The following TENM4 variants were observed in gnomAD, a reference collection of about 807,000 sequenced individuals.
The protein encoded by TENM4 is teneurin-4.
A neutral mutation model predicts 243.3 loss-of-function variants in TENM4; 82 were observed. The ratio of observed to expected loss-of-function variants is 0.34; its 90% CI spans 0.28 to 0.40. TENM4 has a LOEUF of 0.40. Among genes scored for constraint, TENM4 ranks in the 10% least tolerant of loss-of-function variants. The pLI is 1.00. For synonymous variants in TENM4, 1,412 were observed against 1,456.3 expected (o/e 0.97, Z 0.69); for missense variants, 3,138 against 3,673.3 (o/e 0.85, Z 3.77).
At chr11:79,081,129 C>T in intron 4 of TENM4, among the ~76,000 whole-genome samples, 1 of 152,180 alleles carries the variant, frequency 6.6e-6, no homozygotes, top group East Asian at 1.9e-4. Flanking sequence ...GCCTCCTCAG[C>T]CTGAAGGAAG....
At chr11:79,244,853 C>A (rs1211311203) in intron 2 of TENM4, among the ~76,000 whole-genome samples, 1 of 152,114 alleles carries the variant, frequency 6.6e-6, no homozygotes, top group Non-Finnish European at 1.5e-5. Flanking sequence ...TCTTAAACAA[C>A]CAGAGACCTT....
intron 4 of TENM4, among the ~76,000 whole-genome samples, chr11:79,146,030 C>T (rs958737598): frequency 1.8e-4 from 27 of 151,880 alleles, no homozygotes; most frequent in Admixed American, 5.9e-4. Flanking sequence ...GGATATGAGA[C>T]CTTTGTTGAG....
chr11:79,065,622 A>G (rs1860224511), intron 5 of TENM4, among the ~76,000 whole-genome samples: 2 of 152,198 alleles, frequency 1.3e-5, no homozygotes, highest in African/African-American at 2.4e-5. Flanking sequence ...AGAAAGCCTG[A>G]AGCTTGAGAG....
At chr11:78,778,650 C>T (rs1856785065) in intron 16 of TENM4, 22 bp from the exon 17 acceptor site, 13 of 1,610,460 alleles carry the variant, frequency 8.1e-6, no homozygotes, top group South Asian at 2.2e-5. Flanking sequence ...AAAGACAGGA[C>T]ATTTAAGGTA....
chr11:79,169,041 C>T (rs896058768), intron 3 of TENM4, among the ~76,000 whole-genome samples: 3 of 152,212 alleles, frequency 2.0e-5, no homozygotes, highest in African/African-American at 7.2e-5. Flanking sequence ...TCCCCTTTCA[C>T]CCAGGACCTT....
chr11:79,349,153 C>T (rs1857375348), intron 1 of TENM4, among the ~76,000 whole-genome samples: 2 of 152,156 alleles, frequency 1.3e-5, no homozygotes, highest in Admixed American at 1.3e-4. Context: ...TCACATGTCT[C>T]ATCCCTGACA....
intron 6 of TENM4, among the ~76,000 whole-genome samples, chr11:78,980,523 G>A (rs1857768435): frequency 6.6e-6 from 1 of 152,208 alleles, no homozygotes; most frequent in Non-Finnish European, 1.5e-5. Context: ...CCTGGAAGGT[G>A]ACAGAATGAG....
chr11:78,812,608 C>T (rs192535896), intron 13 of TENM4, among the ~76,000 whole-genome samples: 147 of 152,312 alleles, frequency 9.7e-4, no homozygotes, highest in African/African-American at 3.5e-3. Flanking sequence ...GAACCTCAGA[C>T]AGGAAGCTTC....
chr11:79,038,194 G>A (rs1859435323), intron 6 of TENM4, among the ~76,000 whole-genome samples: 2 of 152,192 alleles, frequency 1.3e-5, no homozygotes. Context: ...TTGCCTGGGT[G>A]AATGAATGGA....
rs1855984740 is a variant in TENM4 at position 78,903,474 on chromosome 11, C to T, written c.543G>A (p.Pro181=). Residue 181 remains proline, a synonymous_variant, in exon 7 of 34, where the codon CCG becomes CCA. Transcript: ENST00000278550. ...QNHARLRTPP[P]PLSHAHTPNQ... Reference sequence around the variant, plus strand: ...TGGGGGTGTGGGCGTGCGAGAGCGGCGGCGGCGGCGTCCGGAGCCGCGCGT... The same window carrying T: ...TGGGGGTGTGGGCGTGCGAGAGCGGTGGCGGCGGCGTCCGGAGCCGCGCGT... 3 of 1,547,960 alleles carry T rather than the reference C, an allele frequency of 1.9e-6. No individual in the cohort carries two copies. Among genetic ancestry groups the T allele is most frequent in the East Asian group, 4.9e-5 (2 of 40,848 alleles).
At chr11:78,733,355 G>C (rs993456763) in intron 20 of TENM4, among the ~76,000 whole-genome samples, 6 of 152,176 alleles carry the variant, frequency 3.9e-5, no homozygotes, top group African/African-American at 1.4e-4. Flanking sequence ...TGCCCTCCTA[G>C]TCCTAGTTCT....
intron 1 of TENM4, among the ~76,000 whole-genome samples, chr11:79,357,998 T>C (rs2135488319): frequency 6.6e-6 from 1 of 152,314 alleles, no homozygotes; most frequent in Non-Finnish European, 1.5e-5. Context: ...AATGGAAATG[T>C]TTCCACTTTG....
intron 2 of TENM4, among the ~76,000 whole-genome samples, chr11:79,261,345 T>A (rs549712): frequency 0.62 from 94,812 of 152,078 alleles, 30,794 homozygotes; most frequent in African/African-American, 0.82. Context: ...CAAACCCTGC[T>A]CCAGGGGCTG....
In TENM4 at chr11:78,771,631, T is replaced by C. The variant is rs553743435; in HGVS notation, c.2393-493A>G. On this transcript the variant is annotated intron_variant, in intron 17 of 33. Transcript: ENST00000278550. ...TCTAAAGGGTGTTACTTTTTCCAAC[T>C]CTTGTAGTAGGTCAATTTTATTGGA... is the stretch of plus-strand genomic sequence containing the variant. Among the ~76,000 whole-genome samples, 7 of 152,340 alleles carry C rather than the reference T, an allele frequency of 4.6e-5. No homozygotes were observed. The South Asian group carries it at 1.5e-3, about 32-fold the overall frequency.
At chr11:79,350,329 C>A (rs1005657109) in intron 1 of TENM4, among the ~76,000 whole-genome samples, 1 of 152,150 alleles carries the variant, frequency 6.6e-6, no homozygotes, top group African/African-American at 2.4e-5. Context: ...GCACCTCATA[C>A]GCAAATTCCA....
rs77629977 is a variant in TENM4, at chr11:79,234,476, C to T, written c.-264-18567G>A. On this transcript the variant is annotated intron_variant, in intron 2 of 33. Coordinates refer to ENST00000278550, the MANE Select transcript of TENM4 (RefSeq NM_001098816.3). ...TGCATGGGGCTGAGCTCAATTTCTC[C>T]ATTAGCTCACAAAGGCCTGTTAACC... Among the ~76,000 whole-genome samples, 42 of 143,926 alleles carry T rather than the reference C, an allele frequency of 2.9e-4. No homozygotes were observed. In the East Asian group the frequency reaches 8.5e-3, roughly 29 times the overall value. 94.4% of individuals were successfully genotyped at this position (143,926 alleles called of 152,430 possible).
In TENM4 at chr11:79,124,968, TA is replaced by T. The variant is rs200775439; in HGVS notation, c.-66+23741del. On this transcript the variant is annotated intron_variant, in intron 4 of 33. Coordinates refer to ENST00000278550, the MANE Select transcript of TENM4 (RefSeq NM_001098816.3). ...TTAGTTCTGTCCCTCTAGAAAACCC[TA>T]ATACAGATTTTGGGACCAGGAGTGG... 7.1e-3 allele frequency among the ~76,000 whole-genome samples: 1,067 copies of T among 149,776 alleles called. 13 individuals carry two copies. Among genetic ancestry groups the T allele is most frequent in the African/African-American group, 0.023 (950 of 40,742 alleles).
intron 6 of TENM4, among the ~76,000 whole-genome samples, chr11:78,957,824 G>T (rs550229232): frequency 6.6e-6 from 1 of 152,200 alleles, no homozygotes; most frequent in African/African-American, 2.4e-5. Flanking sequence ...CAGGGGCTTC[G>T]TAAAGGTTTG....
At chr11:78,711,234 CTTGATATGATGTGAT>C (rs1412649925) in intron 26 of TENM4, among the ~76,000 whole-genome samples, 1 of 152,180 alleles carries the variant, frequency 6.6e-6, no homozygotes, top group East Asian at 1.9e-4. Flanking sequence ...GACAATGTGA[CTTGATATGATGTGAT>C]GTGATATAAT....
Sources: allele counts gnomAD v4.1 joint callset (sites outside exome capture counted in the v4.1 genomes callset), GRCh38; gene constraint gnomAD v4.1.1; transcripts MANE v1.5; gene names NCBI Gene and HGNC (gene_info 2026-07-23, HGNC 2026-07-21).